OPN5: variants seen among roughly 807,000 people sequenced by gnomAD.
OPN5 encodes the protein opsin 5, also known as opsin-5.
A neutral mutation model predicts 41.7 loss-of-function variants in OPN5; 18 were observed. The observed-to-expected ratio is 0.43, with a 90% confidence interval of 0.30 to 0.64. The LOEUF (loss-of-function observed/expected upper bound fraction) is 0.64, where lower values mean the gene tolerates loss of function less well. Ranked by LOEUF, OPN5 falls within the 30% of genes least tolerant of loss-of-function variation. The probability of loss-of-function intolerance (pLI) is 0.13; values close to 1 mark genes in which losing one functional copy is unlikely to be tolerated. For synonymous variants in OPN5, 178 were observed against 164.3 expected (o/e 1.08, Z -0.64); for missense variants, 318 against 434.5 (o/e 0.73, Z 2.38).
chr6:47,813,415 A>T (rs1303708305), intron 6 of OPN5, among the ~76,000 whole-genome samples: 1 of 152,174 alleles, frequency 6.6e-6, no homozygotes, highest in African/African-American at 2.4e-5. Flanking sequence ...TATGCCGGTG[A>T]TAGAGAAGCA....
intron 2 of OPN5, among the ~76,000 whole-genome samples, chr6:47,789,307 C>T (rs1479396703): frequency 6.6e-6 from 1 of 152,098 alleles, no homozygotes; most frequent in African/African-American, 2.4e-5. Flanking sequence ...TGTAAAACAA[C>T]AGTTTCCATC....
intron 1 of OPN5, among the ~76,000 whole-genome samples, chr6:47,785,397 C>T (rs1773169671): frequency 6.6e-6 from 1 of 152,138 alleles, no homozygotes; most frequent in Admixed American, 6.5e-5. Flanking sequence ...TCAGAATTTC[C>T]TAAGAGCACA....
chr6:47,824,354 T>C, exon 7 of OPN5: 1 of 309,138 alleles, frequency 3.2e-6, no homozygotes. Flanking sequence ...TCAGGCTGTG[T>C]CTCTGACTGG....
chr6:47,814,779 G>C (rs561776002), intron 6 of OPN5, among the ~76,000 whole-genome samples: 6 of 152,154 alleles, frequency 3.9e-5, no homozygotes, highest in Non-Finnish European at 8.8e-5. Flanking sequence ...AAGATATATT[G>C]CATTTTATGT....
intron 5 of OPN5, among the ~76,000 whole-genome samples, chr6:47,810,788 A>T (rs2113991660): frequency 6.6e-6 from 1 of 152,272 alleles, no homozygotes; most frequent in Non-Finnish European, 1.5e-5. Flanking sequence ...TCTTTCTGGA[A>T]TGTTATTCTT....
At chr6:47,792,655 T>C (rs1773415600) in intron 3 of OPN5, among the ~76,000 whole-genome samples, 1 of 152,220 alleles carries the variant, frequency 6.6e-6, no homozygotes, top group African/African-American at 2.4e-5. Context: ...CTCTCGGAAT[T>C]TATCAAACCT....
chr6:47,812,226 G>A (rs1762267531), intron 6 of OPN5, among the ~76,000 whole-genome samples: 2 of 152,110 alleles, frequency 1.3e-5, no homozygotes, highest in African/African-American at 2.4e-5. Flanking sequence ...TCTGATGGCA[G>A]TGATTCCACA....
chr6:47,825,523 AAGAC>A (rs1762766093), downstream of OPN5: 1 of 152,168 alleles, frequency 6.6e-6, no homozygotes, highest in African/African-American at 2.4e-5. Flanking sequence ...GCACTCCCAA[AAGAC>A]AGCTTCAGTT....
At chr6:47,801,848 C>T (rs888361838) in intron 4 of OPN5, among the ~76,000 whole-genome samples, 4 of 151,090 alleles carry the variant, frequency 2.6e-5, no homozygotes, top group African/African-American at 9.7e-5. Flanking sequence ...GGACCTAATA[C>T]AATGATTCAT....
At chr6:47,809,983 A>C (rs978503390) in intron 5 of OPN5, among the ~76,000 whole-genome samples, 1 of 152,224 alleles carries the variant, frequency 6.6e-6, no homozygotes, top group Admixed American at 6.5e-5. Context: ...TGTTCTGTAC[A>C]TTCACTCACA....
intron 4 of OPN5, among the ~76,000 whole-genome samples, chr6:47,805,445 T>C (rs1003496621): frequency 6.8e-6 from 1 of 147,040 alleles, no homozygotes; most frequent in East Asian, 2.0e-4. Context: ...TGTGTGTGTG[T>C]GCTGCAGGTA....
At chr6:47,797,862 C>G (rs1773627214) in intron 4 of OPN5, among the ~76,000 whole-genome samples, 1 of 152,174 alleles carries the variant, frequency 6.6e-6, no homozygotes, top group African/African-American at 2.4e-5. Context: ...AACTGCTCAA[C>G]TTGACCCCCT....
chr6:47,802,511 G>T lies in OPN5; in HGVS notation c.757-5643G>T, dbSNP rs1773813074. Among the ~76,000 whole-genome samples the T allele has an allele frequency of 3.9e-5, 6 of 152,244 alleles. No homozygotes were observed. In the South Asian group the frequency reaches 1.2e-3, roughly 32 times the overall value. ...TCTCATCTGTGAAAGTGGAGGAAGA[G>T]AATGAAATGATATCTCAGTTACCTT... is the stretch of plus-strand genomic sequence containing the variant. On this transcript the variant is annotated intron_variant, in intron 4 of 6. Transcript: ENST00000371211.
At chr6:47,783,667 G>A (rs984285503) in intron 1 of OPN5, among the ~76,000 whole-genome samples, 5 of 152,150 alleles carry the variant, frequency 3.3e-5, no homozygotes, top group Admixed American at 6.5e-5. Flanking sequence ...TATATTGAGC[G>A]CCCACTCTTT....
At chr6:47,817,164 C>T (rs78090070) in intron 6 of OPN5, among the ~76,000 whole-genome samples, 1,902 of 152,140 alleles carry the variant, frequency 0.013, 40 homozygotes, top group African/African-American at 0.043. Context: ...TACTCCACTC[C>T]GGTGGGAGTC....
intron 4 of OPN5, 70 bp from the exon 5 acceptor site, chr6:47,808,084 A>T (rs549907510): frequency 1.3e-6 from 2 of 1,492,890 alleles, no homozygotes; most frequent in Non-Finnish European, 9.3e-7. Flanking sequence ...CCTTCTCCAT[A>T]CCCATCGTTT....
chr6:47,813,659 G>A (rs1028529566), intron 6 of OPN5, among the ~76,000 whole-genome samples: 6 of 152,026 alleles, frequency 3.9e-5, no homozygotes, highest in Admixed American at 2.6e-4. Flanking sequence ...CATGAGAGTG[G>A]GGAATCAAGA....
chr6:47,801,864 G>A (rs898085380), intron 4 of OPN5, among the ~76,000 whole-genome samples: 1 of 151,744 alleles, frequency 6.6e-6, no homozygotes, highest in African/African-American at 2.4e-5. Flanking sequence ...TTCATACATG[G>A]TAAGTGCTTA....
chr6:47,792,846 T>G (rs558900539), intron 3 of OPN5, among the ~76,000 whole-genome samples: 1 of 152,114 alleles, frequency 6.6e-6, no homozygotes, highest in Admixed American at 6.5e-5. Context: ...AAAAATCAAG[T>G]TGACCTGACA....
Sources: allele counts gnomAD v4.1 joint callset (sites outside exome capture counted in the v4.1 genomes callset), GRCh38; gene constraint gnomAD v4.1.1; transcripts MANE v1.5; gene names NCBI Gene and HGNC (gene_info 2026-07-23, HGNC 2026-07-21).